ADAMTS19: variants seen among roughly 807,000 people sequenced by gnomAD.
The protein encoded by ADAMTS19 is A disintegrin and metalloproteinase with thrombospondin motifs 19.
Under a neutral mutation model 153.3 loss-of-function variants are expected in ADAMTS19, and 93 were observed. The ratio of observed to expected loss-of-function variants is 0.61; its 90% CI spans 0.51 to 0.72. The LOEUF is 0.72. ADAMTS19 is among the 30% of genes least tolerant of loss of function. ADAMTS19 has a pLI of 0.00. For synonymous variants in ADAMTS19, 600 were observed against 556.6 expected (o/e 1.08, Z -1.10); for missense variants, 1,482 against 1,552.1 (o/e 0.95, Z 0.76).
intron 8 of ADAMTS19, among the ~76,000 whole-genome samples, chr5:129,599,948 G>T (rs1047848392): frequency 1.3e-5 from 2 of 152,036 alleles, no homozygotes; most frequent in Admixed American, 6.6e-5. Flanking sequence ...AGTAGTGGCT[G>T]GTGTTTTCCT....
chr5:129,658,334 A>AG (rs1753654721), intron 14 of ADAMTS19, among the ~76,000 whole-genome samples: 1 of 105,472 alleles, frequency 9.5e-6, no homozygotes, highest in African/African-American at 3.1e-5. Flanking sequence ...AGAAAGAAAG[A>AG]AAGAAAGAAA....
At chr5:129,572,721 CAT>C (rs1485404676) in intron 7 of ADAMTS19, among the ~76,000 whole-genome samples, 1 of 151,852 alleles carries the variant, frequency 6.6e-6, no homozygotes, top group Non-Finnish European at 1.5e-5. Context: ...AAAAAACAAA[CAT>C]AATGACCAGA....
chr5:129,674,091 T>C (rs1754438431), intron 16 of ADAMTS19, among the ~76,000 whole-genome samples: 1 of 152,040 alleles, frequency 6.6e-6, no homozygotes, highest in East Asian at 1.9e-4. Context: ...ATTAGCCTGG[T>C]GTGGTGGCAT....
intron 6 of ADAMTS19, among the ~76,000 whole-genome samples, chr5:129,546,857 C>G (rs1322778398): frequency 6.6e-6 from 1 of 150,658 alleles, no homozygotes; most frequent in African/African-American, 2.5e-5. Flanking sequence ...TAAAAGAAAC[C>G]GTCTAATTTT....
At position 129,549,464 on chromosome 5, in the gene ADAMTS19, A is replaced by T. The variant is rs1473598273; in HGVS notation, c.1329-2400A>T. 2.6e-5 allele frequency among the ~76,000 whole-genome samples: 4 copies of T among 151,706 alleles called. No individual in the cohort carries two copies. In the East Asian group the frequency reaches 7.7e-4, roughly 29 times the overall value. Reference sequence around the variant, plus strand: ...CAGACACAATCCACCTTAGCAAAGTAAACATATAGATTTTACACAATAATA... The same window carrying T: ...CAGACACAATCCACCTTAGCAAAGTTAACATATAGATTTTACACAATAATA... On this transcript the variant is annotated intron_variant, in intron 6 of 22. Coordinates refer to ENST00000274487, the MANE Select transcript of ADAMTS19 (RefSeq NM_133638.6).
chr5:129,734,608 G>T (rs73785269), intron 21 of ADAMTS19, among the ~76,000 whole-genome samples: 2,984 of 152,034 alleles, frequency 0.02, 92 homozygotes, highest in African/African-American at 0.067. Flanking sequence ...GTTAGACCTT[G>T]GAAAGCTGTC....
chr5:129,713,766 A>G (rs1182189474), intron 21 of ADAMTS19, among the ~76,000 whole-genome samples: 2 of 151,940 alleles, frequency 1.3e-5, no homozygotes, highest in South Asian at 2.1e-4. Flanking sequence ...TCTAAAAAAA[A>G]AAAAAAAAAA....
intron 2 of ADAMTS19, among the ~76,000 whole-genome samples, chr5:129,483,509 C>A (rs991021702): frequency 6.6e-6 from 1 of 152,164 alleles, no homozygotes. Flanking sequence ...TCAGTTGTGA[C>A]AGCCCAGAAT....
At chr5:129,555,438 T>A (rs1753281058) in intron 7 of ADAMTS19, among the ~76,000 whole-genome samples, 1 of 152,140 alleles carries the variant, frequency 6.6e-6, no homozygotes, top group Non-Finnish European at 1.5e-5. Context: ...ATTTTACAGA[T>A]GAAGAAAGCC....
rs767743570 is a variant in ADAMTS19, at chr5:129,461,321, G to C, written c.311G>C (p.Arg104Pro). 129 of 1,327,814 alleles carry C rather than the reference G, an allele frequency of 9.7e-5. No individual in the cohort carries two copies. Among genetic ancestry groups the C allele is most frequent in the African/African-American group, 1.2e-4 (8 of 64,646 alleles). The allele number at this position is 1,327,814 out of a possible 1,614,324, so 82.3% of individuals were successfully genotyped here. ...PVPLEEPVEG[R>P]SESRLRPPPP... ...CCTTTGGAGGAGCCCGTGGAGGGCCGATCAGAGTCCCGGCTCCGGCCCCCG... is the reference window on the plus strand; with the variant it reads ...CCTTTGGAGGAGCCCGTGGAGGGCCCATCAGAGTCCCGGCTCCGGCCCCCG... Residue 104 changes from arginine to proline, a missense_variant, in exon 2 of 23, where the codon CGA (arginine) becomes CCA (proline). Coordinates refer to ENST00000274487, the MANE Select transcript of ADAMTS19 (RefSeq NM_133638.6). The surrounding 1 kb of genome is among the most constrained non-coding windows in gnomAD (Gnocchi z 4.6).
chr5:129,611,853 G>T (rs1581144037), intron 8 of ADAMTS19, among the ~76,000 whole-genome samples: 1 of 152,040 alleles, frequency 6.6e-6, no homozygotes, highest in Non-Finnish European at 1.5e-5. Context: ...GAAAGGTCGG[G>T]TTACCCACAA....
intron 14 of ADAMTS19, among the ~76,000 whole-genome samples, chr5:129,657,082 GC>G (rs1171170573): frequency 5.9e-5 from 9 of 152,152 alleles, no homozygotes; most frequent in Admixed American, 3.9e-4. Context: ...TCCTGTGGTG[GC>G]TACTTCTTTC....
intron 7 of ADAMTS19, among the ~76,000 whole-genome samples, chr5:129,582,792 G>T (rs1331371491): frequency 6.7e-6 from 1 of 149,408 alleles, no homozygotes; most frequent in Non-Finnish European, 1.5e-5. Context: ...GGATGGTCTT[G>T]ATCTCCTTGA....
rs368911446 is a variant in ADAMTS19 at position 129,654,678 on chromosome 5, G to T, written c.2304+245G>T. On this transcript the variant is annotated intron_variant, in intron 14 of 22. Coordinates refer to ENST00000274487, the MANE Select transcript of ADAMTS19 (RefSeq NM_133638.6). ...ACTAACTGAAAGAATCTGAGATTTTGATTGTGTAATATATATATTACAGGT... is the reference window on the plus strand; with the variant it reads ...ACTAACTGAAAGAATCTGAGATTTTTATTGTGTAATATATATATTACAGGT... 2.2e-4 allele frequency among the ~76,000 whole-genome samples: 34 copies of T among 152,216 alleles called. No individual in the cohort carries two copies. The East Asian group carries it at 5.8e-3, about 26-fold the overall frequency.
chr5:129,539,013 T>C (rs535813957), intron 6 of ADAMTS19, among the ~76,000 whole-genome samples: 6 of 152,260 alleles, frequency 3.9e-5, no homozygotes, highest in African/African-American at 1.4e-4. Flanking sequence ...TAAAGAACAT[T>C]GTTTCATGCT....
chr5:129,613,326 AC>A (rs1210634311), intron 8 of ADAMTS19, among the ~76,000 whole-genome samples: 1 of 152,188 alleles, frequency 6.6e-6, no homozygotes, highest in Non-Finnish European at 1.5e-5. Flanking sequence ...AGAAATTATA[AC>A]AAACTGTCTC....
intron 19 of ADAMTS19, 95 bp from the exon 20 acceptor site, chr5:129,701,293 C>G (rs1731387104): frequency 1.4e-6 from 2 of 1,419,124 alleles, no homozygotes; most frequent in African/African-American, 1.4e-5. Flanking sequence ...ATTGCCCAGT[C>G]TTGGGTATGT....
intron 7 of ADAMTS19, among the ~76,000 whole-genome samples, chr5:129,562,050 T>C (rs1310694256): frequency 1.3e-5 from 2 of 152,102 alleles, no homozygotes; most frequent in Non-Finnish European, 2.9e-5. Flanking sequence ...GAGTGACAAG[T>C]TCACTTTGTT....
chr5:129,658,315 AAGAAAGAAAGAAAG>A (rs1561632147), intron 14 of ADAMTS19, among the ~76,000 whole-genome samples: 1 of 39,144 alleles, frequency 2.6e-5, no homozygotes, highest in African/African-American at 7.0e-5. Context: ...AAGAAAAAGA[AAGAAAGAAAGAAAG>A]AAAGAAAGAA....
Sources: gnomAD v4.1 joint callset for allele counts (sites outside exome capture counted in the v4.1 genomes callset) on GRCh38, gnomAD v4.1.1 for gene constraint, Gnocchi (gnomAD v3.1) non-coding constraint, MANE v1.5 for transcripts, NCBI Gene and HGNC (gene_info 2026-07-23, HGNC 2026-07-21) for gene names.